GGA2: variants seen among roughly 807,000 people sequenced by gnomAD.
The protein encoded by GGA2 is ADP-ribosylation factor-binding protein GGA2.
GGA2 carries 48 observed loss-of-function variants against 79.5 expected under a neutral mutation model. The observed-to-expected ratio is 0.60, with a 90% CI of 0.48 to 0.77. The LOEUF (loss-of-function observed/expected upper bound fraction) is 0.77. GGA2 is among the 30% of genes least tolerant of loss of function. GGA2 has a pLI of 0.00. For missense variants in GGA2, 770 were observed against 774.0 expected (o/e 0.99, Z 0.06); for synonymous variants, 317 against 302.0 (o/e 1.05, Z -0.51).
chr16:23,488,630 A>G lies in GGA2; in HGVS notation c.555T>C (p.Phe185=). The G allele has an allele frequency of 6.2e-7, 1 of 1,606,774 alleles. No homozygotes were observed. The highest frequency in any genetic ancestry group is 1.1e-5 in the South Asian group (1 of 90,920). Residue 185 remains phenylalanine, a synonymous_variant, in exon 6 of 17, where the codon TTT becomes TTC. Coordinates refer to ENST00000309859, the MANE Select transcript of GGA2 (RefSeq NM_015044.4). ...PPSPWPKSSI[F]DADEEKSKLL... ...CCTTGGACTTTTCTTCATCAGCATC[A>G]AAGATGGAGCTCTTGGGCCAGGGAG... is the stretch of plus-strand genomic sequence containing the variant.
At chr16:23,518,059 C>T (rs1260152674) in intron 2 of GGA2, among the ~76,000 whole-genome samples, 20 of 151,884 alleles carry the variant, frequency 1.3e-4, no homozygotes, top group African/African-American at 2.4e-4. Context: ...ATTACAGGTG[C>T]GCACCACCAT....
chr16:23,495,894 G>A, intron 1 of GGA2, 116 bp from the exon 2 acceptor site: 1 of 604,066 alleles, frequency 1.7e-6, no homozygotes, highest in South Asian at 2.3e-5. Context: ...CAGACCAGTG[G>A]GCAGACAGCT....
chr16:23,521,606 C>T (rs1219229176), intron 1 of GGA2, among the ~76,000 whole-genome samples: 1 of 152,070 alleles, frequency 6.6e-6, no homozygotes, highest in East Asian at 1.9e-4. Context: ...ACTATGTTGC[C>T]CAGGCTGGTC....
upstream of GGA2, among the ~76,000 whole-genome samples, chr16:23,514,345 T>A (rs926264407): frequency 2.0e-5 from 3 of 152,176 alleles, no homozygotes; most frequent in African/African-American, 7.2e-5. Context: ...TGACCTCAAA[T>A]GATCCGCCCA....
chr16:23,491,004 G>A (rs1028759694), intron 5 of GGA2, among the ~76,000 whole-genome samples: 1 of 152,056 alleles, frequency 6.6e-6, no homozygotes, highest in Middle Eastern at 3.2e-3. Flanking sequence ...GACCAGCGTG[G>A]GTAACATTGC....
At chr16:23,495,449 A>T (rs920731934) in intron 2 of GGA2, 2 of 319,994 alleles carry the variant, frequency 6.3e-6, no homozygotes, top group Non-Finnish European at 1.1e-5. Context: ...GAGAGAATGA[A>T]TGCCAGCCTG....
At chr16:23,507,536 G>A (rs1289971171) in intron 1 of GGA2, among the ~76,000 whole-genome samples, 1 of 152,234 alleles carries the variant, frequency 6.6e-6, no homozygotes, top group Non-Finnish European at 1.5e-5. Context: ...GCTGAGGCAG[G>A]AGAATTGCTT....
chr16:23,513,808 AAAAAG>A (rs1555501630), upstream of GGA2, among the ~76,000 whole-genome samples: 10 of 150,254 alleles, frequency 6.7e-5, no homozygotes, highest in Middle Eastern at 3.4e-3. Flanking sequence ...AAAGAAAGAA[AAAAAG>A]AAAAGAAAAG....
At chr16:23,480,592 G>C (rs993417801) in intron 10 of GGA2, 53 bp downstream of exon 10, 14 of 1,524,652 alleles carry the variant, frequency 9.2e-6, no homozygotes, top group Non-Finnish European at 9.9e-6. Context: ...TCTTTTCTGG[G>C]AATTACAGGC....
chr16:23,509,769 C>T (rs1475782236), intron 1 of GGA2, among the ~76,000 whole-genome samples: 2 of 149,788 alleles, frequency 1.3e-5, no homozygotes, highest in Non-Finnish European at 3.0e-5. Flanking sequence ...CGCACACACA[C>T]ACACACGTGT....
chr16:23,514,261 C>T (rs909595277), upstream of GGA2, among the ~76,000 whole-genome samples: 9 of 151,920 alleles, frequency 5.9e-5, no homozygotes, highest in African/African-American at 2.2e-4. Flanking sequence ...ACCCCGCCAC[C>T]ATGCCTGGCT....
intron 8 of GGA2, among the ~76,000 whole-genome samples, chr16:23,484,490 G>A (rs1964688413): frequency 6.6e-6 from 1 of 152,130 alleles, no homozygotes; most frequent in African/African-American, 2.4e-5. Flanking sequence ...CCCAAAGGAA[G>A]GGAGAAAACT....
At chr16:23,487,370 C>G (rs1314668377) in intron 6 of GGA2, among the ~76,000 whole-genome samples, 1 of 152,122 alleles carries the variant, frequency 6.6e-6, no homozygotes, top group African/African-American at 2.4e-5. Flanking sequence ...GTTGTCACAA[C>G]TAGAGAGGGG....
chr16:23,483,437 T>C (rs1449117078), intron 8 of GGA2, among the ~76,000 whole-genome samples: 4 of 152,150 alleles, frequency 2.6e-5, no homozygotes, highest in Non-Finnish European at 5.9e-5. Flanking sequence ...TTTCTACTAA[T>C]CTTGTGAAGT....
rs1448063434 is a variant in GGA2, at chr16:23,466,059, T to C, written c.*1531A>G. The stretch of plus-strand genomic sequence containing the variant: ...ACTGTTTACCTGTTTTATGAGTTTT[T>C]ACATTTGCTTAAAATTAGCATACTT... On this transcript the variant is annotated 3_prime_UTR_variant, in exon 17 of 17. Transcript: ENST00000309859. The C allele has an allele frequency of 6.6e-6, 1 of 152,272 alleles. No homozygotes were observed. Among genetic ancestry groups the C allele is most frequent in the East Asian group, 1.9e-4 (1 of 5,206 alleles). The allele number at this position is 152,272 out of a possible 1,614,324, so 9.4% of individuals were successfully genotyped here.
chr16:23,468,271 G>A, intron 16 of GGA2, among the ~76,000 whole-genome samples: 1 of 152,048 alleles, frequency 6.6e-6, no homozygotes, highest in Non-Finnish European at 1.5e-5. Context: ...TCCGCCTCTT[G>A]GGTTCAAGCA....
In GGA2 at chr16:23,495,723, G is replaced by C; in HGVS notation, c.147C>G (p.Phe49Leu). 6.2e-7 allele frequency: 1 copy of C among 1,611,974 alleles called. No homozygotes were observed. ...TGGGGTCAGTGTTCACCTGCTCACA[G>C]AAATTCTGGATAGCTGACCAATCCT... is the stretch of plus-strand genomic sequence containing the variant. ...SEQDWSAIQN[F>L]CEQVNTDPNG... The change falls in exon 2 of 17, where the codon TTC (phenylalanine) becomes TTG (leucine). Residue 49 changes from phenylalanine to leucine, a missense_variant. By Grantham distance (22) the Phe-to-Leu change is conservative. Transcript: ENST00000309859.
chr16:23,498,985 G>C (rs1039996694), intron 1 of GGA2, among the ~76,000 whole-genome samples: 2 of 152,114 alleles, frequency 1.3e-5, no homozygotes, highest in African/African-American at 4.8e-5. Context: ...GACCTGGAGG[G>C]AGAGAAGAGC....
At chr16:23,499,887 G>A (rs1258974172) in intron 1 of GGA2, among the ~76,000 whole-genome samples, 3 of 152,192 alleles carry the variant, frequency 2.0e-5, no homozygotes, top group Non-Finnish European at 2.9e-5. Flanking sequence ...CTGGCAGGGC[G>A]GGGCCTGGTG....
Sources: allele counts gnomAD v4.1 joint callset (sites outside exome capture counted in the v4.1 genomes callset), GRCh38; gene constraint gnomAD v4.1.1; transcripts MANE v1.5; gene names NCBI Gene and HGNC (gene_info 2026-07-23, HGNC 2026-07-21).